Variants in SGCD observed in about 807,000 individuals in gnomAD.
SGCD encodes the protein delta-sarcoglycan.
SGCD carries 18 observed loss-of-function variants against 36.6 expected under a neutral mutation model. The observed-to-expected ratio is 0.49, with a 90% confidence interval of 0.34 to 0.73. SGCD has a LOEUF of 0.73. Among genes scored for constraint, SGCD ranks in the 30% least tolerant of loss-of-function variants. The probability of loss-of-function intolerance (pLI) is 0.01; values close to 1 mark genes in which losing one functional copy is unlikely to be tolerated. For missense variants in SGCD, 387 were observed against 346.7 expected, an observed-to-expected ratio of 1.12 and a Z score of -0.92; for synonymous variants, 133 against 130.6, an observed-to-expected ratio of 1.02 and a Z score of -0.12.
At chr5:156,713,410 C>G (rs157351) in intron 7 of SGCD, among the ~76,000 whole-genome samples, 3 of 144,972 alleles carry the variant, frequency 2.1e-5, no homozygotes, top group African/African-American at 5.3e-5. Flanking sequence ...TTGAACATGT[C>G]GGGGGGGGCG....
the SGCD span, among the ~76,000 whole-genome samples, chr5:155,805,248 T>G: frequency 2.0e-5 from 3 of 152,270 alleles, no homozygotes; most frequent in East Asian, 5.8e-4. Context: ...ATCCAAACAC[T>G]TCTATAGATA....
chr5:155,876,639 T>A (rs1580965744), intron 1 of SGCD, among the ~76,000 whole-genome samples: 2 of 152,116 alleles, frequency 1.3e-5, no homozygotes, highest in African/African-American at 4.8e-5. Flanking sequence ...TTCCTTGATA[T>A]TCTCTATTTG....
intron 1 of SGCD, among the ~76,000 whole-genome samples, chr5:156,027,459 A>G (rs1191369465): frequency 2.6e-5 from 4 of 152,328 alleles, no homozygotes; most frequent in South Asian, 2.1e-4. Context: ...TACAACTCTT[A>G]TGGATCTGAC....
chr5:156,126,585 C>A (rs2127604457), intron 3 of SGCD, among the ~76,000 whole-genome samples: 1 of 152,266 alleles, frequency 6.6e-6, no homozygotes, highest in Non-Finnish European at 1.5e-5. Flanking sequence ...GACCAAAACC[C>A]AGTTTCCAGG....
chr5:155,811,113 G>C, the SGCD span, among the ~76,000 whole-genome samples: 2 of 151,984 alleles, frequency 1.3e-5, no homozygotes, highest in African/African-American at 4.8e-5. Context: ...CACCGCGCCC[G>C]GCCTAGTGTC....
rs578032779 is a variant in SGCD, at chr5:156,504,432, G to C, written c.193-4169G>C. Reference sequence around the variant, plus strand: ...TATATATATATATATATATGTCAATGTGTATATATATTAAACAGTTATTTT... The same window carrying C: ...TATATATATATATATATATGTCAATCTGTATATATATTAAACAGTTATTTT... On this transcript the variant is annotated intron_variant, in intron 3 of 8. Coordinates refer to ENST00000337851, the MANE Select transcript of SGCD (RefSeq NM_000337.6). Among the ~76,000 whole-genome samples the C allele has an allele frequency of 2.1e-3, 291 of 140,216 alleles. 1 individual carries two copies. The highest frequency in any genetic ancestry group is 7.8e-3 in the African/African-American group (276 of 35,316). 92.0% of individuals were successfully genotyped at this position (140,216 alleles called of 152,430 possible).
intron 3 of SGCD, among the ~76,000 whole-genome samples, chr5:156,205,699 C>A (rs1764259195): frequency 6.6e-6 from 1 of 151,958 alleles, no homozygotes; most frequent in African/African-American, 2.4e-5. Context: ...TTACTTCTAC[C>A]TAAATGAAAT....
chr5:156,443,128 G>A (rs750675637), intron 3 of SGCD, among the ~76,000 whole-genome samples: 3 of 152,032 alleles, frequency 2.0e-5, no homozygotes, highest in Non-Finnish European at 4.4e-5. Context: ...GGGATTAGAG[G>A]CACGCACCAT....
chr5:156,724,430 C>T (rs1022649656), intron 7 of SGCD, among the ~76,000 whole-genome samples: 9 of 152,068 alleles, frequency 5.9e-5, no homozygotes, highest in Admixed American at 5.9e-4. Flanking sequence ...CGGTGAAACC[C>T]CGCCTCTATT....
chr5:156,222,238 G>A (rs548587496), intron 3 of SGCD, among the ~76,000 whole-genome samples: 3 of 152,168 alleles, frequency 2.0e-5, no homozygotes, highest in African/African-American at 7.2e-5. Context: ...TGAGGGACAG[G>A]ATACTGGGCT....
chr5:156,285,309 A>T (rs527277350), intron 3 of SGCD, among the ~76,000 whole-genome samples: 1 of 152,294 alleles, frequency 6.6e-6, no homozygotes, highest in East Asian at 1.9e-4. Flanking sequence ...TTTTCACAGA[A>T]TTGGAAAAAA....
chr5:156,640,421 T>C (rs983833038), intron 6 of SGCD, among the ~76,000 whole-genome samples: 1 of 128,750 alleles, frequency 7.8e-6, no homozygotes, highest in African/African-American at 2.6e-5. Flanking sequence ...AATGCATGAT[T>C]TACAATATCT....
chr5:156,400,823 G>T (rs1008460460), intron 3 of SGCD, among the ~76,000 whole-genome samples: 1 of 152,184 alleles, frequency 6.6e-6, no homozygotes, highest in Non-Finnish European at 1.5e-5. Flanking sequence ...AACAGATGTG[G>T]ACCTAAAGGA....
intron 6 of SGCD, among the ~76,000 whole-genome samples, chr5:156,643,790 C>G (rs1425722781): frequency 2.0e-5 from 3 of 152,016 alleles, no homozygotes; most frequent in Non-Finnish European, 4.4e-5. Context: ...ATATCCTTAT[C>G]TTGTCAAGTA....
intron 3 of SGCD, among the ~76,000 whole-genome samples, chr5:156,195,184 A>G (rs536103122): frequency 5.8e-4 from 88 of 152,326 alleles, no homozygotes; most frequent in African/African-American, 2.1e-3. Flanking sequence ...CAGTAACCTC[A>G]TTTAAACCCT....
intron 7 of SGCD, among the ~76,000 whole-genome samples, chr5:156,729,714 C>T (rs1755961279): frequency 6.6e-6 from 1 of 152,110 alleles, no homozygotes; most frequent in African/African-American, 2.4e-5. Flanking sequence ...TTTCTCCATT[C>T]AGTAAAATGT....
intron 1 of SGCD, among the ~76,000 whole-genome samples, chr5:156,050,880 T>G (rs1262605504): frequency 1.4e-5 from 2 of 146,468 alleles, no homozygotes; most frequent in African/African-American, 4.9e-5. Flanking sequence ...ACAAGAACCC[T>G]TTGATTACAT....
intron 3 of SGCD, among the ~76,000 whole-genome samples, chr5:156,400,754 C>T (rs1378808671): frequency 6.6e-6 from 1 of 152,218 alleles, no homozygotes; most frequent in African/African-American, 2.4e-5. Context: ...ACTTCTTGGA[C>T]TCTCCTATGA....
intron 3 of SGCD, among the ~76,000 whole-genome samples, chr5:156,266,490 T>A (rs145527651): frequency 6.6e-6 from 1 of 152,318 alleles, no homozygotes; most frequent in Non-Finnish European, 1.5e-5. Context: ...GTTTTGACAT[T>A]AAAAAATTTT....
Sources: allele counts gnomAD v4.1 joint callset (sites outside exome capture counted in the v4.1 genomes callset), GRCh38; gene constraint gnomAD v4.1.1; transcripts MANE v1.5; gene names NCBI Gene and HGNC (gene_info 2026-07-23, HGNC 2026-07-21).